Variants in SLC5A7 observed in about 807,000 individuals in gnomAD.
SLC5A7 encodes high affinity choline transporter 1.
SLC5A7 carries 19 observed loss-of-function variants against 55.4 expected under a neutral mutation model. The ratio of observed to expected loss-of-function variants is 0.34; its 90% CI spans 0.24 to 0.50. The LOEUF is 0.50. Among genes scored for constraint, SLC5A7 ranks in the 20% least tolerant of loss-of-function variants. SLC5A7 has a pLI of 0.98. For synonymous variants in SLC5A7, 265 were observed against 263.7 expected, an observed-to-expected ratio of 1.00 and a Z score of -0.05; for missense variants, 506 against 705.3, an observed-to-expected ratio of 0.72 and a Z score of 3.20.
chr2:107,993,357 G>C (rs945478823), intron 4 of SLC5A7, among the ~76,000 whole-genome samples: 18 of 152,164 alleles, frequency 1.2e-4, no homozygotes, highest in Non-Finnish European at 2.5e-4. Context: ...TGCCTCATTA[G>C]ACCAATAACT....
At chr2:108,000,206 T>G (rs1677827424) in intron 5 of SLC5A7, among the ~76,000 whole-genome samples, 1 of 152,136 alleles carries the variant, frequency 6.6e-6, no homozygotes, top group Non-Finnish European at 1.5e-5. Flanking sequence ...TTTGACTTGC[T>G]CCATCTAAAC....
intron 4 of SLC5A7, 66 bp from the exon 5 acceptor site, chr2:107,997,772 T>C (rs1677723996): frequency 7.2e-6 from 10 of 1,395,550 alleles, no homozygotes; most frequent in East Asian, 2.6e-5. Flanking sequence ...ACTTTCATTA[T>C]GTCCTTATAC....
intron 2 of SLC5A7, 64 bp from the exon 3 acceptor site, chr2:107,992,042 G>T: frequency 1.0e-6 from 1 of 964,948 alleles, no homozygotes; most frequent in Non-Finnish European, 1.6e-6. Context: ...CCACTGGTTT[G>T]GCAGGCAGAT....
chr2:108,010,625 G>A lies in SLC5A7; in HGVS notation c.1507G>A (p.Glu503Lys). The A allele has an allele frequency of 6.2e-7, 1 of 1,613,920 alleles. No homozygotes were observed. Among genetic ancestry groups the A allele is most frequent in the Non-Finnish European group, 8.5e-7 (1 of 1,179,938 alleles). Residue 503 changes from glutamate (E) to lysine (K), a missense_variant, in exon 9 of 9, where the codon GAA (glutamate) becomes AAA (lysine). Physicochemically the swap from Glu to Lys is moderately conservative, Grantham distance 56 (BLOSUM62 1). Coordinates refer to ENST00000264047, the MANE Select transcript of SLC5A7 (RefSeq NM_021815.5). ...CTCCTATCTAGCCAAGTATCTATTT[G>A]AAAGTGGAACCTTGCCACCTAAATT... ...CISYLAKYLF[E>K]SGTLPPKLDV...
chr2:108,006,181 G>A lies in SLC5A7; in HGVS notation c.874G>A (p.Gly292Arg). 1.2e-6 allele frequency: 2 copies of A among 1,613,852 alleles called. No individual in the cohort carries two copies. Among genetic ancestry groups the A allele is most frequent in the Non-Finnish European group, 1.7e-6 (2 of 1,179,938 alleles). Residue 292 changes from glycine (G) to arginine (R), a missense_variant, in exon 7 of 9, where the codon GGG (glycine) becomes AGG (arginine). By Grantham distance (125) the Gly-to-Arg change is moderately radical. This residue lies in a region of SLC5A7 where 309 missense variants were observed against 478.6 expected (regional missense o/e 0.65). Coordinates refer to ENST00000264047, the MANE Select transcript of SLC5A7 (RefSeq NM_021815.5). Reference protein sequence around the residue: ...LVMAIPAILIGAIGASTDWNQ... With the variant: ...LVMAIPAILIRAIGASTDWNQ... The stretch of plus-strand genomic sequence containing the variant: ...GATGGCCATCCCAGCCATACTCATT[G>A]GGGCCATTGGAGCATCAACAGGTAA...
At chr2:107,996,555 A>AT (rs1204773829) in intron 4 of SLC5A7, among the ~76,000 whole-genome samples, 2 of 152,214 alleles carry the variant, frequency 1.3e-5, no homozygotes, top group African/African-American at 4.8e-5. Context: ...CTGATGATAC[A>AT]TAAAATCACA....
intron 4 of SLC5A7, among the ~76,000 whole-genome samples, chr2:107,994,328 A>C (rs544673278): frequency 6.3e-4 from 96 of 152,334 alleles, no homozygotes; most frequent in African/African-American, 2.3e-3. Flanking sequence ...TCACGCCTGT[A>C]ATCCCAGCAC....
intron 6 of SLC5A7, among the ~76,000 whole-genome samples, chr2:108,003,533 C>G (rs1471284297): frequency 1.3e-5 from 2 of 152,170 alleles, no homozygotes; most frequent in Non-Finnish European, 2.9e-5. Flanking sequence ...TGAAATGTTG[C>G]ATCAATGGTC....
At position 107,993,009 on chromosome 2, in the gene SLC5A7, G is replaced by T. The variant is rs922637393; in HGVS notation, c.330G>T (p.Gly110=). The part of the protein sequence containing the change: ...LFFAKPMRSK[G]YVTMLDPFQQ... ...TTGCAAAACCTATGCGTTCAAAGGG[G>T]TATGTGACCATGTTAGACCCGTTTC... Residue 110 remains glycine, a synonymous_variant, in exon 4 of 9, where the codon GGG becomes GGT. Coordinates refer to ENST00000264047, the MANE Select transcript of SLC5A7 (RefSeq NM_021815.5). The T allele has an allele frequency of 5.6e-6, 9 of 1,614,084 alleles. No homozygotes were observed. The African/African-American group carries it at 8.0e-5, about 14-fold the overall frequency.
At position 108,008,395 on chromosome 2, in the gene SLC5A7, G is replaced by C. The variant is rs556417332; in HGVS notation, c.896-70G>C. 995 of 1,206,714 alleles carry C rather than the reference G, an allele frequency of 8.2e-4. 2 individuals carry two copies. Among genetic ancestry groups the C allele is most frequent in the Non-Finnish European group, 1.1e-3 (901 of 842,328 alleles). 74.8% of individuals were successfully genotyped at this position (1,206,714 alleles called of 1,614,324 possible). On this transcript the variant is annotated intron_variant, in intron 7 of 8. Coordinates refer to ENST00000264047, the MANE Select transcript of SLC5A7 (RefSeq NM_021815.5). ...TATTTCAAAACAACCTAGTAAATAGGATGACCCCAGATGGATAAAGAACAT... is the reference window on the plus strand; with the variant it reads ...TATTTCAAAACAACCTAGTAAATAGCATGACCCCAGATGGATAAAGAACAT...
chr2:107,993,176 A>G (rs1266310900), intron 4 of SLC5A7, 49 bp downstream of exon 4: 2 of 1,602,856 alleles, frequency 1.2e-6, no homozygotes, highest in Non-Finnish European at 1.7e-6. Context: ...TTAACTAAAC[A>G]TCAGATACAC....
intron 2 of SLC5A7, among the ~76,000 whole-genome samples, chr2:107,991,048 T>C (rs1677434012): frequency 6.6e-6 from 1 of 152,206 alleles, no homozygotes; most frequent in African/African-American, 2.4e-5. Context: ...TGCAAAGATT[T>C]AGTGTCCTCT....
At position 108,004,366 on chromosome 2, in the gene SLC5A7, A is replaced by AT. The variant is rs569601501; in HGVS notation, c.742-1677dup. Reference sequence around the variant, plus strand: ...CAGGAATGGGGTTATGAATTTTAGAATTTTTTCCTTTAATTACTTTTGAAC... The same window carrying AT: ...CAGGAATGGGGTTATGAATTTTAGAATTTTTTTCCTTTAATTACTTTTGAAC... On this transcript the variant is annotated intron_variant, in intron 6 of 8. Coordinates refer to ENST00000264047, the MANE Select transcript of SLC5A7 (RefSeq NM_021815.5). Among the ~76,000 whole-genome samples, 32 of 152,196 alleles carry AT rather than the reference A, an allele frequency of 2.1e-4. 1 individual carries two copies. The highest frequency in any genetic ancestry group is 5.9e-4 in the Admixed American group (9 of 15,272).
intron 7 of SLC5A7, among the ~76,000 whole-genome samples, chr2:108,006,703 C>T (rs1442610630): frequency 1.3e-5 from 2 of 152,238 alleles, no homozygotes; most frequent in African/African-American, 4.8e-5. Context: ...ATGTGGCCTA[C>T]TTCACAGGAA....
At chr2:108,007,675 A>C (rs575511030) in intron 7 of SLC5A7, among the ~76,000 whole-genome samples, 49 of 152,314 alleles carry the variant, frequency 3.2e-4, no homozygotes, top group Non-Finnish European at 6.3e-4. Flanking sequence ...TGTAATAGAA[A>C]ATGAGGGAAG....
At position 108,012,461 on chromosome 2, in the gene SLC5A7, A is replaced by C. The variant is rs1275436720; in HGVS notation, c.*1600A>C. ...ACCTTGACCCTAGAATTCCTTTTATAAGATTTAATTGTAATTGTCTCAAAG... is the reference window on the plus strand; with the variant it reads ...ACCTTGACCCTAGAATTCCTTTTATCAGATTTAATTGTAATTGTCTCAAAG... On this transcript the variant is annotated 3_prime_UTR_variant, in exon 9 of 9. Transcript: ENST00000264047. 1 of 152,168 alleles carries C rather than the reference A, an allele frequency of 6.6e-6. No individual in the cohort carries two copies. The highest frequency in any genetic ancestry group is 1.5e-5 in the Non-Finnish European group (1 of 68,024). 9.4% of individuals were successfully genotyped at this position (152,168 alleles called of 1,614,324 possible).
intron 6 of SLC5A7, among the ~76,000 whole-genome samples, chr2:108,003,597 T>A (rs1388251239): frequency 1.3e-5 from 2 of 152,208 alleles, no homozygotes; most frequent in Admixed American, 6.5e-5. Flanking sequence ...ACTTGTCAAG[T>A]CCTGCTAGTG....
At position 108,012,861 on chromosome 2, in the gene SLC5A7, T is replaced by C. The variant is rs758626600; in HGVS notation, c.*2000T>C. 1 of 152,092 alleles carries C rather than the reference T, an allele frequency of 6.6e-6. No homozygotes were observed. The highest frequency in any genetic ancestry group is 1.9e-4 in the East Asian group (1 of 5,194). 9.4% of individuals were successfully genotyped at this position (152,092 alleles called of 1,614,324 possible). On this transcript the variant is annotated 3_prime_UTR_variant, in exon 9 of 9. Coordinates refer to ENST00000264047, the MANE Select transcript of SLC5A7 (RefSeq NM_021815.5). The stretch of plus-strand genomic sequence containing the variant: ...CATTTGACACATAAAAGTAATTAAT[T>C]GCTGGAGACTACAATTCCTGGCAAA...
In SLC5A7 at chr2:107,988,186, A is replaced by G. The variant is rs911790588; in HGVS notation, c.31A>G (p.Ile11Val). The G allele has an allele frequency of 2.5e-6, 4 of 1,613,978 alleles. No homozygotes were observed. The African/African-American group carries it at 4.0e-5, about 16-fold the overall frequency. ...TTTCCATGTGGAAGGACTGATAGCT[A>G]TCATCGTGTTCTACCTTCTAATTTT... MAFHVEGLIA[I>V]IVFYLLILLV... is the part of the protein sequence containing the mutation. The change falls in exon 2 of 9, where the codon ATC (isoleucine) becomes GTC (valine). Residue 11 changes from isoleucine to valine, a missense_variant. Physicochemically the swap from Ile to Val is conservative, Grantham distance 29. This residue lies in a region of SLC5A7 where 56 missense variants were observed against 62.6 expected (regional missense o/e 0.89). Coordinates refer to ENST00000264047, the MANE Select transcript of SLC5A7 (RefSeq NM_021815.5).
Sources: allele counts gnomAD v4.1 joint callset (sites outside exome capture counted in the v4.1 genomes callset), GRCh38; gene constraint gnomAD v4.1.1; regional missense constraint gnomAD v4.1.1; transcripts MANE v1.5; gene names NCBI Gene and HGNC (gene_info 2026-07-23, HGNC 2026-07-21).